Variants in SLC14A2 observed in about 807,000 individuals in gnomAD.
The protein encoded by SLC14A2 is solute carrier family 14 member 2.
A neutral mutation model predicts 104.6 loss-of-function variants in SLC14A2; 91 were observed. That is an observed-to-expected ratio of 0.87 (90% CI 0.73 to 1.04). The LOEUF is 1.04. SLC14A2 is among the 50% of genes least tolerant of loss of function. The pLI, the probability that SLC14A2 is intolerant of heterozygous loss-of-function variation, is 0.00. For missense variants in SLC14A2, 1,189 were observed against 1,156.0 expected (o/e 1.03, Z -0.41); for synonymous variants, 476 against 466.4 (o/e 1.02, Z -0.27).
intron 1 of SLC14A2, among the ~76,000 whole-genome samples, chr18:45,388,531 G>A (rs532098698): frequency 2.5e-4 from 38 of 152,184 alleles, no homozygotes; most frequent in African/African-American, 9.2e-4. Context: ...GGTATCTAGG[G>A]CTATTTTTCG....
At chr18:45,483,724 A>AG (rs2087540901) in intron 2 of SLC14A2, among the ~76,000 whole-genome samples, 2 of 152,166 alleles carry the variant, frequency 1.3e-5, no homozygotes, top group African/African-American at 4.8e-5. Context: ...GCCACCAGGG[A>AG]GGCCTGAGTT....
chr18:45,373,472 C>T (rs2144359528), intron 1 of SLC14A2, among the ~76,000 whole-genome samples: 1 of 152,262 alleles, frequency 6.6e-6, no homozygotes, highest in East Asian at 1.9e-4. Context: ...TTCCTACAGC[C>T]CTCCCTCATT....
At chr18:45,657,339 T>A (rs1403504199) in intron 10 of SLC14A2, among the ~76,000 whole-genome samples, 1 of 148,690 alleles carries the variant, frequency 6.7e-6, no homozygotes, top group African/African-American at 2.6e-5. Flanking sequence ...AAAAAAAAAT[T>A]AGCTAGGAGT....
chr18:45,463,097 G>A lies in SLC14A2; in HGVS notation c.-124-20136G>A, dbSNP rs756985228. Among the ~76,000 whole-genome samples the A allele has an allele frequency of 6.6e-4, 101 of 152,214 alleles. 2 individuals carry two copies. The Middle Eastern group carries it at 0.027, about 41-fold the overall frequency. ...GGTTCAGCCCACCCCAACCCCTGACGCAATAACCAGTTCCATCTTCTCCTA... is the reference window on the plus strand; with the variant it reads ...GGTTCAGCCCACCCCAACCCCTGACACAATAACCAGTTCCATCTTCTCCTA... On this transcript the variant is annotated intron_variant, in intron 1 of 20. Coordinates refer to the SLC14A2 transcript ENST00000586448.
intron 1 of SLC14A2, among the ~76,000 whole-genome samples, chr18:45,323,226 C>T (rs1014424616): frequency 6.6e-6 from 1 of 152,160 alleles, no homozygotes; most frequent in Admixed American, 6.5e-5. Context: ...ACTGTTGGAA[C>T]AATAACCTCA....
chr18:45,609,524 T>C (rs1376178378), intron 2 of SLC14A2, among the ~76,000 whole-genome samples: 1 of 152,194 alleles, frequency 6.6e-6, no homozygotes, highest in Non-Finnish European at 1.5e-5. Flanking sequence ...ACTGCCAGCA[T>C]TCCTCATTGG....
At chr18:45,551,142 C>G (rs760721161) in intron 2 of SLC14A2, among the ~76,000 whole-genome samples, 2 of 152,092 alleles carry the variant, frequency 1.3e-5, no homozygotes, top group Non-Finnish European at 2.9e-5. Flanking sequence ...TACTCTAAGA[C>G]AAGTTCTGCT....
chr18:45,633,949 G>C (rs938571456), intron 5 of SLC14A2, among the ~76,000 whole-genome samples: 1 of 152,130 alleles, frequency 6.6e-6, no homozygotes, highest in African/African-American at 2.4e-5. Flanking sequence ...CCACGTTCCT[G>C]CCTGTGAAAA....
chr18:45,244,903 C>A (rs1043010102), intron 1 of SLC14A2, among the ~76,000 whole-genome samples: 1 of 152,222 alleles, frequency 6.6e-6, no homozygotes, highest in African/African-American at 2.4e-5. Context: ...TCCATTCATT[C>A]ATTCCAGCCA....
At chr18:45,670,258 CT>C (rs2046108749) in intron 16 of SLC14A2, among the ~76,000 whole-genome samples, 2 of 152,216 alleles carry the variant, frequency 1.3e-5, no homozygotes, top group South Asian at 4.1e-4. Flanking sequence ...TATAACAGAG[CT>C]TTTAAAGTTT....
chr18:45,347,996 G>T (rs1428409494), intron 1 of SLC14A2, among the ~76,000 whole-genome samples: 1 of 152,228 alleles, frequency 6.6e-6, no homozygotes, highest in African/African-American at 2.4e-5. Context: ...GCATTCCCAT[G>T]GCACCTCATA....
intron 1 of SLC14A2, among the ~76,000 whole-genome samples, chr18:45,427,515 G>C (rs1404472804): frequency 2.6e-5 from 4 of 152,124 alleles, no homozygotes; most frequent in African/African-American, 9.7e-5. Context: ...AACATCTGAG[G>C]TACATGGTGT....
intron 2 of SLC14A2, among the ~76,000 whole-genome samples, chr18:45,523,081 G>A (rs2043538879): frequency 6.6e-6 from 1 of 152,184 alleles, no homozygotes; most frequent in African/African-American, 2.4e-5. Flanking sequence ...ACTGGTCACT[G>A]GTGGGGTGTG....
rs745576004 is a variant in SLC14A2, at chr18:45,673,778, G to A, written c.2473G>A (p.Val825Ile). 28 of 1,614,036 alleles carry A rather than the reference G, an allele frequency of 1.7e-5. No homozygotes were observed. Among genetic ancestry groups the A allele is most frequent in the South Asian group, 6.6e-5 (6 of 91,088 alleles). Residue 825 changes from valine (V) to isoleucine (I), a missense_variant, in exon 18 of 20, where the codon GTC becomes ATC. Coordinates refer to ENST00000255226, the MANE Select transcript of SLC14A2 (RefSeq NM_007163.4). ...CATAGCGATAGGAGGCATGTTCTAC[G>A]TCATCACCTGGCAGACGCACCTCCT... ...ACIAIGGMFY[V>I]ITWQTHLLAI... is the part of the protein sequence containing the mutation.
chr18:45,624,869 G>A (rs2045235289), intron 2 of SLC14A2, 55 bp downstream of exon 2: 4 of 1,539,674 alleles, frequency 2.6e-6, no homozygotes, highest in Non-Finnish European at 3.5e-6. Context: ...GGGAAAAGTG[G>A]GGGCAAAAGA....
chr18:45,348,561 C>T (rs2085471874), intron 1 of SLC14A2, among the ~76,000 whole-genome samples: 1 of 152,176 alleles, frequency 6.6e-6, no homozygotes. Flanking sequence ...CCTCCTAAGG[C>T]CCCAGTTATA....
intron 4 of SLC14A2, among the ~76,000 whole-genome samples, chr18:45,630,064 T>A (rs1346838495): frequency 6.6e-6 from 1 of 152,206 alleles, no homozygotes; most frequent in Admixed American, 6.5e-5. Context: ...ACAGAACACA[T>A]CCCAGTACTA....
At chr18:45,471,457 G>A (rs1453014936) in intron 1 of SLC14A2, among the ~76,000 whole-genome samples, 2 of 151,964 alleles carry the variant, frequency 1.3e-5, no homozygotes, top group Non-Finnish European at 1.5e-5. Flanking sequence ...TTTTATTTTT[G>A]AAAACCGTTT....
At chr18:45,526,862 C>T (rs1029008344) in intron 2 of SLC14A2, among the ~76,000 whole-genome samples, 1 of 152,082 alleles carries the variant, frequency 6.6e-6, no homozygotes, top group Non-Finnish European at 1.5e-5. Context: ...AAGAAATTCA[C>T]CATGACCCCA....
Sources: allele counts gnomAD v4.1 joint callset (sites outside exome capture counted in the v4.1 genomes callset), GRCh38; gene constraint gnomAD v4.1.1; transcripts MANE v1.5; gene names NCBI Gene and HGNC (gene_info 2026-07-23, HGNC 2026-07-21).